ACTR3C: variants seen among roughly 807,000 people sequenced by gnomAD.
ACTR3C encodes actin related protein 3C.
Under a neutral mutation model 26.3 loss-of-function variants are expected in ACTR3C, and 18 were observed. The ratio of observed to expected loss-of-function variants is 0.68; its 90% confidence interval spans 0.47 to 1.01. The LOEUF (loss-of-function observed/expected upper bound fraction) is 1.01, where lower values mean the gene tolerates loss of function less well. Ranked by LOEUF, ACTR3C falls within the 50% of genes least tolerant of loss-of-function variation. The probability of loss-of-function intolerance (pLI) is 0.00; values close to 1 mark genes in which losing one functional copy is unlikely to be tolerated. For missense variants in ACTR3C, 184 were observed against 250.7 expected (o/e 0.73, Z 1.80); for synonymous variants, 55 against 94.5 (o/e 0.58, Z 2.42).
At chr7:149,902,970 T>A in the ACTR3C span, among the ~76,000 whole-genome samples, 1 of 31,118 alleles carries the variant, frequency 3.2e-5, no homozygotes, top group Non-Finnish European at 1.3e-4. Context: ...AGAGTACAAA[T>A]GTCCAAAACC....
the ACTR3C span, among the ~76,000 whole-genome samples, chr7:150,148,338 G>A: frequency 8.6e-5 from 13 of 152,008 alleles, no homozygotes; most frequent in East Asian, 1.9e-4. Context: ...TTAGCCAGGC[G>A]TGGTGGCATG....
the ACTR3C span, among the ~76,000 whole-genome samples, chr7:149,903,646 A>G: frequency 6.6e-6 from 1 of 151,596 alleles, no homozygotes; most frequent in East Asian, 1.9e-4. Flanking sequence ...GGCTCAAGCA[A>G]TCATCCCACC....
At chr7:150,150,470 T>A in the ACTR3C span, among the ~76,000 whole-genome samples, 1 of 151,358 alleles carries the variant, frequency 6.6e-6, no homozygotes, top group Non-Finnish European at 1.5e-5. Flanking sequence ...CTCATTTCTC[T>A]GTGTAGCTGC....
At chr7:149,894,912 G>A in the ACTR3C span, among the ~76,000 whole-genome samples, 11 of 151,908 alleles carry the variant, frequency 7.2e-5, no homozygotes, top group Non-Finnish European at 1.6e-4. Context: ...AATGAAATCA[G>A]TATGTTAAAG....
At chr7:149,949,190 A>G in the ACTR3C span, among the ~76,000 whole-genome samples, 12 of 141,610 alleles carry the variant, frequency 8.5e-5, no homozygotes, top group African/African-American at 3.4e-4. Context: ...TTGTGTGTGT[A>G]TATACATATA....
chr7:150,050,084 C>G, the ACTR3C span, among the ~76,000 whole-genome samples: 1 of 152,002 alleles, frequency 6.6e-6, no homozygotes, highest in Admixed American at 6.5e-5. Flanking sequence ...CTCCTCTGCC[C>G]CAGCTGTGCT....
At chr7:150,299,464 C>CAAA (rs759969034) in intron 1 of ACTR3C, among the ~76,000 whole-genome samples, 310 of 14,096 alleles carry the variant, frequency 0.022, 22 homozygotes, top group Admixed American at 0.033. Context: ...GACCCCCTCT[C>CAAA]AAAAAAAAAA....
the ACTR3C span, among the ~76,000 whole-genome samples, chr7:150,058,779 G>A: frequency 1.3e-5 from 2 of 152,082 alleles, no homozygotes; most frequent in East Asian, 3.9e-4. Context: ...GCTGGACCTG[G>A]TGGCGTATGA....
the ACTR3C span, among the ~76,000 whole-genome samples, chr7:150,038,914 C>A: frequency 2.8e-5 from 2 of 72,650 alleles, no homozygotes; most frequent in African/African-American, 4.6e-5. Context: ...GGGGTACTAA[C>A]AGCCAGGGGT....
the ACTR3C span, among the ~76,000 whole-genome samples, chr7:150,078,415 A>T: frequency 1.3e-5 from 2 of 148,910 alleles, no homozygotes; most frequent in African/African-American, 5.0e-5. Context: ...ACAACTCATA[A>T]TAATTTATTA....
the ACTR3C span, among the ~76,000 whole-genome samples, chr7:150,209,382 A>T: frequency 3.4e-4 from 51 of 151,228 alleles, no homozygotes; most frequent in African/African-American, 1.2e-3. Context: ...AGATTTCCAA[A>T]TTTGATGAAA....
the ACTR3C span, among the ~76,000 whole-genome samples, chr7:149,994,797 C>T: frequency 9.7e-4 from 145 of 149,416 alleles, 3 homozygotes; most frequent in Admixed American, 3.9e-3. Context: ...GAATGAGTGA[C>T]GAAGGAAGAA....
the ACTR3C span, among the ~76,000 whole-genome samples, chr7:150,185,435 C>G: frequency 1.3e-5 from 2 of 152,146 alleles, no homozygotes; most frequent in East Asian, 1.9e-4. Context: ...AACAACATCT[C>G]ATAAATTAAG....
the ACTR3C span, among the ~76,000 whole-genome samples, chr7:150,034,335 A>G: frequency 1.0e-4 from 15 of 148,096 alleles, no homozygotes; most frequent in African/African-American, 2.0e-4. Flanking sequence ...TCCAGCTGCC[A>G]TCTTTTCTCT....
chr7:150,186,597 T>G, the ACTR3C span, among the ~76,000 whole-genome samples: 1 of 152,144 alleles, frequency 6.6e-6, no homozygotes, highest in Admixed American at 6.5e-5. Context: ...CAGCCCACAG[T>G]GAAATTACTC....
chr7:149,970,695 C>T, the ACTR3C span, among the ~76,000 whole-genome samples: 1 of 152,198 alleles, frequency 6.6e-6, no homozygotes, highest in Non-Finnish European at 1.5e-5. Flanking sequence ...AACCAAAATG[C>T]TAAATTCTAT....
the ACTR3C span, among the ~76,000 whole-genome samples, chr7:150,232,351 T>C: frequency 3.3e-5 from 5 of 152,224 alleles, no homozygotes; most frequent in Non-Finnish European, 7.3e-5. Context: ...TTACACCGTT[T>C]AGATTTAAAA....
the ACTR3C span, among the ~76,000 whole-genome samples, chr7:150,038,333 A>T: frequency 2.1e-5 from 3 of 144,192 alleles, no homozygotes; most frequent in Admixed American, 2.0e-4. Flanking sequence ...TTAAAAGTCC[A>T]GCTGCCATCT....
chr7:150,182,890 T>C, the ACTR3C span, among the ~76,000 whole-genome samples: 1 of 150,986 alleles, frequency 6.6e-6, no homozygotes, highest in African/African-American at 2.5e-5. Context: ...AAACTAAAAG[T>C]TAAAAAATAA....
Sources: allele counts gnomAD v4.1 joint callset (sites outside exome capture counted in the v4.1 genomes callset), GRCh38; gene constraint gnomAD v4.1.1; transcripts MANE v1.5; gene names NCBI Gene and HGNC (gene_info 2026-07-23, HGNC 2026-07-21).